TNPO1: variants seen among roughly 807,000 people sequenced by gnomAD.
The protein encoded by TNPO1 is transportin-1.
A neutral mutation model predicts 119.5 loss-of-function variants in TNPO1; 8 were observed. The ratio of observed to expected loss-of-function variants is 0.07; its 90% CI spans 0.04 to 0.12. The LOEUF is 0.12. Among genes scored for constraint, TNPO1 ranks in the 10% least tolerant of loss-of-function variants. The pLI, the probability that TNPO1 is intolerant of heterozygous loss-of-function variation, is 1.00. For synonymous variants in TNPO1, 362 were observed against 363.0 expected (o/e 1.00, Z 0.03); for missense variants, 576 against 1,089.8 (o/e 0.53, Z 6.64).
At chr5:72,843,593 C>CAA (rs35891028) in intron 1 of TNPO1, among the ~76,000 whole-genome samples, 5 of 118,924 alleles carry the variant, frequency 4.2e-5, no homozygotes, top group African/African-American at 5.9e-5. Context: ...GATTCCGTCT[C>CAA]AAAAAAAAAA....
In TNPO1 at chr5:72,891,908, T is replaced by A. The variant is rs1436728216; in HGVS notation, c.1788+12T>A. ...TCCCTTTACTTGAGGTATGCAGGGC[T>A]AGTAATATTTAATCTGTTGCCAAGA... On this transcript the variant is annotated intron_variant, in intron 15 of 24. Coordinates refer to ENST00000337273, the MANE Select transcript of TNPO1 (RefSeq NM_002270.4). 6.3e-7 allele frequency: 1 copy of A among 1,591,918 alleles called. No individual in the cohort carries two copies. The highest frequency in any genetic ancestry group is 8.6e-7 in the Non-Finnish European group (1 of 1,166,372).
At chr5:72,833,142 C>T (rs770270018) in intron 1 of TNPO1, among the ~76,000 whole-genome samples, 2 of 151,956 alleles carry the variant, frequency 1.3e-5, no homozygotes, top group African/African-American at 4.8e-5. Flanking sequence ...TTAGACAATC[C>T]GAATTTGAGT....
At chr5:72,826,951 T>G (rs779399583) in intron 1 of TNPO1, among the ~76,000 whole-genome samples, 12 of 152,196 alleles carry the variant, frequency 7.9e-5, no homozygotes, top group Non-Finnish European at 1.3e-4. Flanking sequence ...ACATTAAGTT[T>G]TTTTAATGAA....
chr5:72,887,999 A>T, intron 12 of TNPO1, 79 bp from the exon 13 acceptor site: 1 of 1,312,876 alleles, frequency 7.6e-7, no homozygotes. Flanking sequence ...TTTTTCATAG[A>T]TACGTGTTTT....
At chr5:72,817,609 A>G (rs1743758450) in intron 1 of TNPO1, among the ~76,000 whole-genome samples, 1 of 152,234 alleles carries the variant, frequency 6.6e-6, no homozygotes, top group Admixed American at 6.5e-5. Context: ...ATTGGAGGCT[A>G]TCTACAAATT....
At chr5:72,863,438 A>G (rs974841877) in intron 5 of TNPO1, among the ~76,000 whole-genome samples, 1 of 152,050 alleles carries the variant, frequency 6.6e-6, no homozygotes, top group African/African-American at 2.4e-5. Context: ...ATTAGAAGAA[A>G]TTGGCCAGGT....
chr5:72,898,373 TAA>T (rs1333136744), intron 20 of TNPO1, among the ~76,000 whole-genome samples: 1 of 152,136 alleles, frequency 6.6e-6, no homozygotes, highest in African/African-American at 2.4e-5. Flanking sequence ...GCTTTATTTA[TAA>T]GATTATATTT....
intron 1 of TNPO1, among the ~76,000 whole-genome samples, chr5:72,835,822 A>G (rs1270262591): frequency 6.6e-6 from 1 of 152,224 alleles, no homozygotes; most frequent in Non-Finnish European, 1.5e-5. Flanking sequence ...TCTCATCTAA[A>G]TCAGATATGA....
chr5:72,886,888 C>CAAAAAAAAAA (rs5868651), intron 11 of TNPO1, among the ~76,000 whole-genome samples, 182 bp from the exon 12 acceptor site: 2 of 70,376 alleles, frequency 2.8e-5, no homozygotes, highest in Non-Finnish European at 5.4e-5. Context: ...GACTCCATCT[C>CAAAAAAAAAA]AAAAAAAAAA....
intron 2 of TNPO1, among the ~76,000 whole-genome samples, chr5:72,849,927 A>G (rs1396999793): frequency 6.6e-6 from 1 of 152,178 alleles, no homozygotes; most frequent in Non-Finnish European, 1.5e-5. Context: ...GGCACCATAT[A>G]TCATAATTTC....
Position 72,891,904 on chromosome 5 carries a change from G to A in TNPO1, c.1788+8G>A. 6.3e-7 allele frequency: 1 copy of A among 1,599,738 alleles called. No individual in the cohort carries two copies. Among genetic ancestry groups the A allele is most frequent in the South Asian group, 1.1e-5 (1 of 88,576 alleles). On this transcript the variant is annotated splice_region_variant and intron_variant, in intron 15 of 24. Coordinates refer to ENST00000337273, the MANE Select transcript of TNPO1 (RefSeq NM_002270.4). ...CTCTTCCCTTTACTTGAGGTATGCA[G>A]GGCTAGTAATATTTAATCTGTTGCC...
At chr5:72,819,374 A>T (rs549421086) in intron 1 of TNPO1, among the ~76,000 whole-genome samples, 1 of 152,308 alleles carries the variant, frequency 6.6e-6, no homozygotes, top group Non-Finnish European at 1.5e-5. Context: ...GTATGCGTGG[A>T]TGTTAGTTAG....
chr5:72,897,370 T>C (rs1284797241), intron 20 of TNPO1, among the ~76,000 whole-genome samples: 5 of 152,188 alleles, frequency 3.3e-5, no homozygotes, highest in Non-Finnish European at 7.3e-5. Flanking sequence ...AAAAACACTT[T>C]TTTCCCCTAT....
intron 1 of TNPO1, among the ~76,000 whole-genome samples, chr5:72,836,129 T>C (rs1744682838): frequency 2.6e-5 from 4 of 152,190 alleles, no homozygotes; most frequent in Non-Finnish European, 4.4e-5. Context: ...AGTGGCTCTT[T>C]CAGTCTAAGG....
intron 2 of TNPO1, among the ~76,000 whole-genome samples, chr5:72,850,701 CAAT>C (rs1420944320): frequency 6.6e-6 from 1 of 152,112 alleles, no homozygotes; most frequent in Non-Finnish European, 1.5e-5. Context: ...AGCTGTAGTG[CAAT>C]AATCTCATAA....
rs143876260 is a variant in TNPO1 at position 72,816,930 on chromosome 5, C to T, written c.15+178C>T. The T allele has an allele frequency of 1.8e-3, 1,181 of 653,068 alleles. 11 individuals carry two copies. The African/African-American group carries it at 0.021, about 12-fold the overall frequency. The allele number at this position is 653,068 out of a possible 1,614,324, so 40.5% of individuals were successfully genotyped here. ...CGCGGTTCTAACCCCAACAGCTGCCCGCCCAGGCGCCCTGCGGGACCCGGG... is the reference window on the plus strand; with the variant it reads ...CGCGGTTCTAACCCCAACAGCTGCCTGCCCAGGCGCCCTGCGGGACCCGGG... On this transcript the variant is annotated intron_variant, in intron 1 of 24. Coordinates refer to ENST00000337273, the MANE Select transcript of TNPO1 (RefSeq NM_002270.4).
At chr5:72,891,700 G>T in intron 14 of TNPO1, 110 bp from the exon 15 acceptor site, 1 of 786,714 alleles carries the variant, frequency 1.3e-6, no homozygotes, top group South Asian at 1.8e-5. Context: ...AATGCCTTTT[G>T]TAATGATTTT....
At chr5:72,851,370 T>A (rs778772449) in intron 3 of TNPO1, 51 bp downstream of exon 3, 1 of 1,038,894 alleles carries the variant, frequency 9.6e-7, no homozygotes, top group East Asian at 2.4e-5. Flanking sequence ...AAGACCTGTT[T>A]AAATGTACTG....
chr5:72,850,548 T>TGTTAGTTAGGGAAGTTA lies in TNPO1; in HGVS notation c.130-685_130-684insAAGTTAGTTAGTTAGGG, dbSNP rs568234043. Among the ~76,000 whole-genome samples the TGTTAGTTAGGGAAGTTA allele has an allele frequency of 4.2e-3, 637 of 152,248 alleles. 5 individuals are homozygous for TGTTAGTTAGGGAAGTTA. The highest frequency in any genetic ancestry group is 0.013 in the Admixed American group (194 of 15,294). On this transcript the variant is annotated intron_variant, in intron 2 of 24. Transcript: ENST00000337273. ...TGTAGTAAAACACAATTGGGAAGCA[T>TGTTAGTTAGGGAAGTTA]GTTAGTTAGGGGTTGGGAGTCAGGG... is the stretch of plus-strand genomic sequence containing the variant.
Sources: allele counts gnomAD v4.1 joint callset (sites outside exome capture counted in the v4.1 genomes callset), GRCh38; gene constraint gnomAD v4.1.1; transcripts MANE v1.5; gene names NCBI Gene and HGNC (gene_info 2026-07-23, HGNC 2026-07-21).